ZNF592: variants seen among roughly 807,000 people sequenced by gnomAD.
ZNF592 encodes spinocerebellar ataxia, autosomal recessive 5.
Under a neutral mutation model 80.3 loss-of-function variants are expected in ZNF592, and 11 were observed. The ratio of observed to expected loss-of-function variants is 0.14; its 90% CI spans 0.09 to 0.23. The LOEUF is 0.23. ZNF592 is among the 10% of genes least tolerant of loss of function. The probability of loss-of-function intolerance (pLI) is 1.00; values close to 1 mark genes in which losing one functional copy is unlikely to be tolerated. For synonymous variants in ZNF592, 646 were observed against 640.3 expected (o/e 1.01, Z -0.13); for missense variants, 1,420 against 1,633.9 (o/e 0.87, Z 2.26).
chr15:84,797,719 T>G (rs1962957678), intron 5 of ZNF592, 150 bp from the exon 6 acceptor site: 5 of 913,980 alleles, frequency 5.5e-6, no homozygotes, highest in Non-Finnish European at 3.5e-6. Context: ...AGGACGTACT[T>G]GTCAAGGGTG....
intron 2 of ZNF592, among the ~76,000 whole-genome samples, chr15:84,776,799 C>T (rs544531236): frequency 6.6e-6 from 1 of 152,232 alleles, no homozygotes; most frequent in East Asian, 1.9e-4. Flanking sequence ...CGCCTGTAAT[C>T]TCAGCACTTT....
chr15:84,774,415 G>C (rs897675284), intron 2 of ZNF592, among the ~76,000 whole-genome samples: 3 of 152,148 alleles, frequency 2.0e-5, no homozygotes, highest in Admixed American at 1.3e-4. Context: ...TTTTTCATGA[G>C]TCCTTATTCA....
Position 84,802,097 on chromosome 15 carries a change from C to A in ZNF592, c.3508C>A (p.Arg1170Ser). 1 of 1,612,906 alleles carries A rather than the reference C, an allele frequency of 6.2e-7. No individual in the cohort carries two copies. Among genetic ancestry groups the A allele is most frequent in the Non-Finnish European group, 8.5e-7 (1 of 1,179,542 alleles). Residue 1170 changes from arginine to serine, a missense_variant, in exon 11 of 11, where the codon CGC becomes AGC. Around this residue, in one of 7 missense-constraint regions of ZNF592, gnomAD observed 145 missense variants for 211.9 expected, o/e 0.68. Coordinates refer to ENST00000560079, the MANE Select transcript of ZNF592 (RefSeq NM_014630.3). ...CTACACCTCTGCCAGCTCCCTCAGC[C>A]GCCACCTCTTCATTGTCCACAAGGT... ...LCYTSASSLS[R>S]HLFIVHKVRD...
chr15:84,787,110 C>T (rs1962612149), intron 4 of ZNF592, among the ~76,000 whole-genome samples: 1 of 152,100 alleles, frequency 6.6e-6, no homozygotes. Context: ...CCTCGGCCTC[C>T]CAAAGTGCTG....
In ZNF592 at chr15:84,782,861, T is replaced by C. The variant is rs746776516; in HGVS notation, c.186T>C (p.Asp62=). ...VSLSHSGSAP[D]VPAVSVIVKN... is the part of the protein sequence containing the mutation. The stretch of plus-strand genomic sequence containing the variant: ...TGTCTCACTCAGGATCAGCCCCCGA[T>C]GTGCCGGCCGTGAGTGTCATTGTCA... Residue 62 remains aspartate (D), a synonymous_variant, in exon 4 of 11, where the codon GAT becomes GAC. Coordinates refer to ENST00000560079, the MANE Select transcript of ZNF592 (RefSeq NM_014630.3). The C allele has an allele frequency of 6.2e-7, 1 of 1,614,132 alleles. No individual in the cohort carries two copies. The highest frequency in any genetic ancestry group is 1.1e-5 in the South Asian group (1 of 91,078).
intron 5 of ZNF592, among the ~76,000 whole-genome samples, chr15:84,796,968 C>T (rs915763052): frequency 6.6e-6 from 1 of 152,012 alleles, no homozygotes; most frequent in Admixed American, 6.6e-5. Flanking sequence ...GGAGCTTCCC[C>T]CGCTCCCCCC....
intron 1 of ZNF592, among the ~76,000 whole-genome samples, chr15:84,749,933 G>A (rs565620690): frequency 6.6e-6 from 1 of 152,392 alleles, no homozygotes; most frequent in Non-Finnish European, 1.5e-5. Flanking sequence ...CAGGCACTGA[G>A]CTAGGTGTTG....
intron 2 of ZNF592, among the ~76,000 whole-genome samples, chr15:84,772,627 T>TAGTC (rs1325923406): frequency 6.6e-6 from 1 of 152,212 alleles, no homozygotes; most frequent in Non-Finnish European, 1.5e-5. Flanking sequence ...ATTTAAGCCA[T>TAGTC]AGTCAGTCAT....
chr15:84,789,049 T>TAA (rs1290792809), intron 4 of ZNF592, among the ~76,000 whole-genome samples: 2 of 139,236 alleles, frequency 1.4e-5, no homozygotes, highest in African/African-American at 5.5e-5. Flanking sequence ...TGTCTCTATT[T>TAA]AAAAAAAAAA....
At chr15:84,780,885 G>A (rs78955621) in intron 3 of ZNF592, among the ~76,000 whole-genome samples, 1,999 of 152,114 alleles carry the variant, frequency 0.013, 20 homozygotes, top group African/African-American at 0.026. Context: ...ACTAGTCTGC[G>A]TAATCATTTT....
intron 4 of ZNF592, among the ~76,000 whole-genome samples, chr15:84,790,023 C>T (rs1285815660): frequency 4.6e-5 from 7 of 152,206 alleles, no homozygotes; most frequent in Non-Finnish European, 1.0e-4. Context: ...GGAGCTGCTA[C>T]CTAATCTGCC....
intron 1 of ZNF592, among the ~76,000 whole-genome samples, chr15:84,756,180 C>T (rs1450175300): frequency 1.3e-5 from 2 of 152,172 alleles, no homozygotes; most frequent in Admixed American, 6.5e-5. Flanking sequence ...GGATTTCCCC[C>T]CTTTTAGGGG....
intron 2 of ZNF592, among the ~76,000 whole-genome samples, chr15:84,771,710 G>A (rs145132950): frequency 1.3e-3 from 191 of 152,208 alleles, no homozygotes; most frequent in Middle Eastern, 3.4e-3. Context: ...TGTTTCTTAC[G>A]TACTGCTGAG....
At chr15:84,795,491 T>C (rs76883945) in intron 5 of ZNF592, among the ~76,000 whole-genome samples, 2 of 152,364 alleles carry the variant, frequency 1.3e-5, no homozygotes, top group East Asian at 1.9e-4. Context: ...ACCAGATACA[T>C]AGAAGGAGTT....
intron 1 of ZNF592, among the ~76,000 whole-genome samples, chr15:84,752,173 CT>C (rs943944838): frequency 5.3e-5 from 8 of 152,188 alleles, no homozygotes; most frequent in African/African-American, 1.9e-4. Context: ...TTTCGTGTGA[CT>C]TTTTTTTCCT....
chr15:84,799,076 G>A lies in ZNF592; in HGVS notation c.3025-22G>A. 1 of 1,613,510 alleles carries A rather than the reference G, an allele frequency of 6.2e-7. No individual in the cohort carries two copies. On this transcript the variant is annotated intron_variant, in intron 8 of 10. Coordinates refer to ENST00000560079, the MANE Select transcript of ZNF592 (RefSeq NM_014630.3). This position sits in a 1 kb window ranked among gnomAD's most constrained non-coding sequence, Gnocchi z 4.2. ...CTATCTTACAGTTCTGATGCTTTGTGTGTTGCCACCTCCTTCCTTAGACAT... is the reference window on the plus strand; with the variant it reads ...CTATCTTACAGTTCTGATGCTTTGTATGTTGCCACCTCCTTCCTTAGACAT...
chr15:84,797,161 T>C (rs896475892), intron 5 of ZNF592, among the ~76,000 whole-genome samples: 2 of 152,194 alleles, frequency 1.3e-5, no homozygotes, highest in African/African-American at 4.8e-5. Context: ...GGTTTTGCTA[T>C]GTCGGCCATG....
chr15:84,752,554 A>G (rs1398545916), intron 1 of ZNF592, among the ~76,000 whole-genome samples: 1 of 152,202 alleles, frequency 6.6e-6, no homozygotes, highest in East Asian at 1.9e-4. Context: ...GCATGGAGCC[A>G]TGGTAGCCCC....
At chr15:84,754,204 G>T (rs1293376636) in intron 1 of ZNF592, among the ~76,000 whole-genome samples, 1 of 152,194 alleles carries the variant, frequency 6.6e-6, no homozygotes, top group Non-Finnish European at 1.5e-5. Flanking sequence ...TGGTCACTGC[G>T]TGACTTTGGT....
Sources: gnomAD v4.1 joint callset for allele counts (sites outside exome capture counted in the v4.1 genomes callset) on GRCh38, gnomAD v4.1.1 for gene constraint, gnomAD v4.1.1 regional missense constraint, Gnocchi (gnomAD v3.1) non-coding constraint, MANE v1.5 for transcripts, NCBI Gene and HGNC (gene_info 2026-07-23, HGNC 2026-07-21) for gene names.